Variants in LAMA1 observed in about 807,000 individuals in gnomAD.
LAMA1 encodes laminin subunit alpha 1, also known as laminin subunit alpha-1.
A neutral mutation model predicts 348.7 loss-of-function variants in LAMA1; 219 were observed. That is an observed-to-expected ratio of 0.63 (90% confidence interval 0.56 to 0.70). The LOEUF is 0.70. Among genes scored for constraint, LAMA1 ranks in the 30% least tolerant of loss-of-function variants. The pLI is 0.00. For missense variants in LAMA1, 3,744 were observed against 3,888.0 expected (o/e 0.96, Z 0.99); for synonymous variants, 1,487 against 1,491.0 (o/e 1.00, Z 0.06).
intron 1 of LAMA1, among the ~76,000 whole-genome samples, chr18:7,113,615 G>A (rs936098565): frequency 6.6e-6 from 1 of 152,110 alleles, no homozygotes; most frequent in African/African-American, 2.4e-5. Flanking sequence ...GAGTAGGAGC[G>A]GTTATCGAGA....
At position 6,943,176 on chromosome 18, in the gene LAMA1, A is replaced by C; in HGVS notation, c.9067+4T>G. The C allele has an allele frequency of 6.2e-7, 1 of 1,613,552 alleles. No homozygotes were observed. The highest frequency in any genetic ancestry group is 8.5e-7 in the Non-Finnish European group (1 of 1,179,436). On this transcript the variant is annotated splice_donor_region_variant and intron_variant, in intron 62 of 62. Transcript: ENST00000389658. ...TGAGTGGAAGAGCAGGTACCCGTAC[A>C]TACCAGGATAGCCACCAACATAAAT...
rs201533069 is a variant in LAMA1 at position 6,966,117 on chromosome 18, T to C, written c.7050+30A>G. 1.4e-4 allele frequency: 233 copies of C among 1,612,628 alleles called. No homozygotes were observed. In the African/African-American group the frequency reaches 1.9e-3, roughly 13 times the overall value. On this transcript the variant is annotated intron_variant, in intron 49 of 62. Transcript: ENST00000389658. ...TAGCAATCTAAATGTGTGTATACAGTAGGGCCTAGGGCCGCACAAACACTC... is the reference window on the plus strand; with the variant it reads ...TAGCAATCTAAATGTGTGTATACAGCAGGGCCTAGGGCCGCACAAACACTC...
At chr18:7,044,869 A>G (rs944455182) in intron 6 of LAMA1, 30 bp from the exon 7 acceptor site, 1 of 1,469,206 alleles carries the variant, frequency 6.8e-7, no homozygotes, top group African/African-American at 1.4e-5. Flanking sequence ...AAACTGAATT[A>G]GAAAATGTAT....
At chr18:6,988,650 T>C (rs1271344607) in intron 36 of LAMA1, among the ~76,000 whole-genome samples, 5 of 151,340 alleles carry the variant, frequency 3.3e-5, no homozygotes, top group Non-Finnish European at 7.4e-5. Flanking sequence ...AATACAAAAT[T>C]ACAAAAATTA....
At chr18:7,056,890 G>C (rs75697828) in intron 3 of LAMA1, among the ~76,000 whole-genome samples, 1 of 125,510 alleles carries the variant, frequency 8.0e-6, no homozygotes, top group African/African-American at 3.4e-5. Flanking sequence ...TTTTTTTTTT[G>C]AGACAGTGTC....
At position 6,941,793 on chromosome 18, in the gene LAMA1, A is replaced by AAACAT. The variant is rs2057499714; in HGVS notation, c.*281_*285dup. The AAACAT allele has an allele frequency of 2.5e-6, 1 of 404,178 alleles. No homozygotes were observed. The highest frequency in any genetic ancestry group is 4.6e-6 in the Non-Finnish European group (1 of 217,020). The allele number at this position is 404,178 out of a possible 1,614,324, so 25.0% of individuals were successfully genotyped here. A position where few individuals can be genotyped will look rare whatever the true frequency, so the allele number is the denominator to read the frequency against. On this transcript the variant is annotated 3_prime_UTR_variant, in exon 63 of 63. Coordinates refer to ENST00000389658, the MANE Select transcript of LAMA1 (RefSeq NM_005559.4). Reference sequence around the variant, plus strand: ...ACTTTTTTAAAAAGCTCAAAATGAAAAACATAAAATACTATCAAGTAATCA... The same window carrying AAACAT: ...ACTTTTTTAAAAAGCTCAAAATGAAAAACATAACATAAAATACTATCAAGTAATCA...
Position 6,986,352 on chromosome 18 carries a change from T to C in LAMA1, c.5169-5A>G, listed in dbSNP as rs1423933966. 6.2e-7 allele frequency: 1 copy of C among 1,613,044 alleles called. No homozygotes were observed. On this transcript the variant is annotated splice_region_variant and splice_polypyrimidine_tract_variant and intron_variant, in intron 36 of 62. Transcript: ENST00000389658. ...GACAATAAATCTTCAGCAGCCCTGA[T>C]AAATATGAATGGTTCACATAGTAAG...
chr18:6,965,264 T>C, intron 50 of LAMA1, 24 bp downstream of exon 50: 2 of 1,614,084 alleles, frequency 1.2e-6, no homozygotes, highest in Non-Finnish European at 1.7e-6. Context: ...GACCGACATC[T>C]GGTGAGTCCA....
chr18:7,023,196 T>A lies in LAMA1; in HGVS notation c.2669A>T (p.Tyr890Phe), dbSNP rs572059324. Residue 890 changes from tyrosine to phenylalanine, a missense_variant, in exon 19 of 63, where the codon TAT becomes TTT. By Grantham distance (22) the Tyr-to-Phe change is conservative. Around this residue, in one of 3 missense-constraint regions of LAMA1, gnomAD observed 1,529 missense variants for 1,689.4 expected, o/e 0.91. Coordinates refer to ENST00000389658, the MANE Select transcript of LAMA1 (RefSeq NM_005559.4). ...AHCERCADGFYGDAVTAKNCR... is the reference protein window; with the variant it reads ...AHCERCADGFFGDAVTAKNCR... ...GTTCTTGGCTGTCACAGCGTCCCCA[T>A]AGAACCCGTCAGCACACCTTTCACA... 3.1e-6 allele frequency: 5 copies of A among 1,613,254 alleles called. No homozygotes were observed. Among genetic ancestry groups the A allele is most frequent in the Non-Finnish European group, 4.2e-6 (5 of 1,179,948 alleles).
At chr18:7,073,819 T>C (rs972348105) in intron 3 of LAMA1, among the ~76,000 whole-genome samples, 3 of 143,842 alleles carry the variant, frequency 2.1e-5, no homozygotes, top group African/African-American at 8.0e-5. Flanking sequence ...ACAACCATAC[T>C]GGTTGTGTGT....
chr18:7,099,777 G>A (rs927633751), intron 1 of LAMA1, among the ~76,000 whole-genome samples: 1 of 151,922 alleles, frequency 6.6e-6, no homozygotes, highest in Non-Finnish European at 1.5e-5. Flanking sequence ...GACAAGCATA[G>A]GCCAGGCACG....
chr18:7,075,520 G>T (rs1164953791), intron 3 of LAMA1, among the ~76,000 whole-genome samples: 1 of 152,126 alleles, frequency 6.6e-6, no homozygotes, highest in Non-Finnish European at 1.5e-5. Flanking sequence ...TACTCAGAAG[G>T]CTGAGGCAGG....
In LAMA1 at chr18:6,941,936, G is replaced by C; in HGVS notation, c.*143C>G. On this transcript the variant is annotated 3_prime_UTR_variant, in exon 63 of 63. Transcript: ENST00000389658. ...GGTATTTGTTGCACATGTGGTTTTA[G>C]TGTAACGTAAACACAACATCTCTCC... 1.0e-6 allele frequency: 1 copy of C among 976,196 alleles called. No individual in the cohort carries two copies. The highest frequency in any genetic ancestry group is 1.6e-6 in the Non-Finnish European group (1 of 618,556). The allele number at this position is 976,196 out of a possible 1,614,324, so 60.5% of individuals were successfully genotyped here. A position where few individuals can be genotyped will look rare whatever the true frequency, so the allele number is the denominator to read the frequency against.
rs376637052 is a variant in LAMA1 at position 6,943,429 on chromosome 18, T to C, written c.8845-27A>G. ...TAAAAGCAAATATCTTGGTGAGTTT[T>C]TGTGTATTTAAGGAACACAGTCCAT... On this transcript the variant is annotated intron_variant, in intron 61 of 62. Transcript: ENST00000389658. The C allele has an allele frequency of 2.3e-5, 36 of 1,591,708 alleles. No homozygotes were observed. The African/African-American group carries it at 4.7e-4, about 21-fold the overall frequency.
chr18:6,965,204 G>A, intron 50 of LAMA1, 84 bp downstream of exon 50: 1 of 1,539,016 alleles, frequency 6.5e-7, no homozygotes, highest in Non-Finnish European at 8.9e-7. Flanking sequence ...GGAAACTACT[G>A]TGGAAAAAAA....
intron 1 of LAMA1, among the ~76,000 whole-genome samples, chr18:7,099,608 A>C (rs1331809853): frequency 6.6e-6 from 1 of 152,114 alleles, no homozygotes; most frequent in Non-Finnish European, 1.5e-5. Context: ...AAAACCTAAG[A>C]TCTTGGATTA....
intron 6 of LAMA1, 95 bp downstream of exon 6, chr18:7,046,183 T>C (rs2058041331): frequency 1.2e-6 from 1 of 821,806 alleles, no homozygotes; most frequent in African/African-American, 1.7e-5. Flanking sequence ...TTTTATACCT[T>C]TCATGTTTGT....
At position 7,020,536 on chromosome 18, in the gene LAMA1, T is replaced by C. The variant is rs1370707617; in HGVS notation, c.2701+2628A>G. On this transcript the variant is annotated intron_variant, in intron 19 of 62. Transcript: ENST00000389658. ...CTGCTCGTGGGATATGCAGAAACAG[T>C]TCACAGGACTTTGTCTCATCGAAGC... Among the ~76,000 whole-genome samples the C allele has an allele frequency of 2.6e-5, 4 of 152,282 alleles. No homozygotes were observed. In the South Asian group the frequency reaches 6.2e-4, roughly 24 times the overall value.
intron 22 of LAMA1, among the ~76,000 whole-genome samples, chr18:7,014,733 C>T (rs1446472831): frequency 3.3e-5 from 5 of 152,076 alleles, no homozygotes; most frequent in African/African-American, 1.2e-4. Context: ...AAACTGGAGG[C>T]CTCATGGTTT....
Sources: gnomAD v4.1 joint callset for allele counts (sites outside exome capture counted in the v4.1 genomes callset) on GRCh38, gnomAD v4.1.1 for gene constraint, gnomAD v4.1.1 regional missense constraint, MANE v1.5 for transcripts, NCBI Gene and HGNC (gene_info 2026-07-23, HGNC 2026-07-21) for gene names.